ROCK1: variants seen among roughly 807,000 people sequenced by gnomAD.
ROCK1 encodes rho-associated protein kinase 1.
ROCK1 carries 36 observed loss-of-function variants against 196.8 expected under a neutral mutation model. That is an observed-to-expected ratio of 0.18 (90% CI 0.14 to 0.24). The LOEUF (loss-of-function observed/expected upper bound fraction) is 0.24. Ranked by LOEUF, ROCK1 falls within the 10% of genes least tolerant of loss-of-function variation. The pLI, the probability that ROCK1 is intolerant of heterozygous loss-of-function variation, is 1.00. For missense variants in ROCK1, 920 were observed against 1,562.0 expected, an observed-to-expected ratio of 0.59 and a Z score of 6.93; for synonymous variants, 443 against 515.9, an observed-to-expected ratio of 0.86 and a Z score of 1.91.
In ROCK1 at chr18:20,947,370, A is replaced by G. The variant is rs2035138985; in HGVS notation, c.*4014T>C. 1 of 152,094 alleles carries G rather than the reference A, an allele frequency of 6.6e-6. No individual in the cohort carries two copies. Among genetic ancestry groups the G allele is most frequent in the Admixed American group, 6.5e-5 (1 of 15,268 alleles). The allele number at this position is 152,094 out of a possible 1,614,324, so 9.4% of individuals were successfully genotyped here. ...TCTACTAGAATATTCTTTGCATTTA[A>G]TTTATTGCAATAAGCATAGATCTTG... On this transcript the variant is annotated 3_prime_UTR_variant, in exon 33 of 33. Coordinates refer to ENST00000399799, the MANE Select transcript of ROCK1 (RefSeq NM_005406.3).
chr18:21,071,720 A>G lies in ROCK1; in HGVS notation c.94-1107T>C, dbSNP rs1342801585. Among the ~76,000 whole-genome samples the G allele has an allele frequency of 2.6e-5, 4 of 152,200 alleles. 1 individual carries two copies. The East Asian group carries it at 7.7e-4, about 29-fold the overall frequency. ...AAGAATGGTTTTTGCGTGATGCTTA[A>G]TAATGTAATCAGTTCCAGACAGGTC... On this transcript the variant is annotated intron_variant, in intron 1 of 32. Transcript: ENST00000399799.
chr18:20,952,097 TA>T (rs1366981810), intron 32 of ROCK1, among the ~76,000 whole-genome samples: 3 of 152,204 alleles, frequency 2.0e-5, no homozygotes, highest in Admixed American at 2.0e-4. Context: ...AAGAAAGAGT[TA>T]ACTGCCTGGT....
Position 21,006,685 on chromosome 18 carries a change from T to C in ROCK1, c.1638+14A>G, listed in dbSNP as rs369273567. ...ACAATTTTTTTAAAAAGGAACCTCA[T>C]TTGAAACACTTACCTGCTTTTGTAA... is the stretch of plus-strand genomic sequence containing the variant. On this transcript the variant is annotated intron_variant, in intron 15 of 32. Transcript: ENST00000399799. 7.4e-5 allele frequency: 117 copies of C among 1,587,584 alleles called. No homozygotes were observed. The highest frequency in any genetic ancestry group is 9.7e-5 in the Non-Finnish European group (114 of 1,172,386).
intron 7 of ROCK1, 127 bp from the exon 8 acceptor site, chr18:21,042,362 C>G: frequency 1.0e-6 from 1 of 983,790 alleles, no homozygotes; most frequent in Non-Finnish European, 1.5e-6. Flanking sequence ...AAACATACAC[C>G]TAATATATAA....
chr18:21,036,379 T>C (rs1598537842), intron 9 of ROCK1, among the ~76,000 whole-genome samples: 1 of 152,216 alleles, frequency 6.6e-6, no homozygotes, highest in East Asian at 1.9e-4. Flanking sequence ...AACACCAATA[T>C]CTTATTTCAA....
At chr18:21,036,952 T>C (rs938597555) in intron 9 of ROCK1, among the ~76,000 whole-genome samples, 4 of 152,186 alleles carry the variant, frequency 2.6e-5, no homozygotes, top group East Asian at 1.9e-4. Context: ...TGCCAACAAT[T>C]GTCAATTCCT....
chr18:21,032,886 A>G (rs1182197575), intron 9 of ROCK1, among the ~76,000 whole-genome samples: 1 of 152,010 alleles, frequency 6.6e-6, no homozygotes, highest in African/African-American at 2.4e-5. Context: ...GGCTGACAAA[A>G]TCTATTTTAA....
intron 29 of ROCK1, among the ~76,000 whole-genome samples, chr18:20,956,113 C>A (rs867967484): frequency 1.3e-5 from 2 of 151,806 alleles, no homozygotes; most frequent in East Asian, 3.9e-4. Flanking sequence ...TGATTGTATG[C>A]AGTTGTCTCG....
intron 25 of ROCK1, among the ~76,000 whole-genome samples, chr18:20,968,248 C>CT (rs2143356560): frequency 6.6e-6 from 1 of 152,212 alleles, no homozygotes; most frequent in Admixed American, 6.5e-5. Flanking sequence ...GCCACATACT[C>CT]TTATCTTCTA....
intron 2 of ROCK1, among the ~76,000 whole-genome samples, chr18:21,055,118 CACTTT>C (rs1445008090): frequency 2.6e-5 from 4 of 152,294 alleles, no homozygotes; most frequent in Middle Eastern, 3.4e-3. Context: ...TCTTCTGCCT[CACTTT>C]ACTTAGTTTG....
intron 1 of ROCK1, among the ~76,000 whole-genome samples, chr18:21,104,297 C>T (rs2036684132): frequency 6.6e-6 from 1 of 152,128 alleles, no homozygotes; most frequent in African/African-American, 2.4e-5. Context: ...GTTCCTTCTT[C>T]TGGATTAAAA....
At chr18:21,049,643 C>A in intron 3 of ROCK1, 137 bp downstream of exon 3, 4 of 615,498 alleles carry the variant, frequency 6.5e-6, no homozygotes, top group Non-Finnish European at 5.5e-6. Flanking sequence ...GCTTCCATAC[C>A]CTCAGGCAAC....
At chr18:20,982,108 T>C (rs1168342365) in intron 21 of ROCK1, among the ~76,000 whole-genome samples, 1 of 152,146 alleles carries the variant, frequency 6.6e-6, no homozygotes, top group African/African-American at 2.4e-5. Flanking sequence ...CATCCAAACA[T>C]TTGGAGGCAC....
At chr18:20,959,049 T>TATATATATTTTATATAATATATATA in intron 29 of ROCK1, among the ~76,000 whole-genome samples, 1 of 58,140 alleles carries the variant, frequency 1.7e-5, no homozygotes, top group African/African-American at 1.4e-4. Context: ...TAATATATAA[T>TATATATATTTTATATAATATATATA]ATATATATTA....
intron 1 of ROCK1, among the ~76,000 whole-genome samples, chr18:21,095,294 G>A (rs969568584): frequency 1.3e-4 from 20 of 151,990 alleles, no homozygotes; most frequent in African/African-American, 4.6e-4. Context: ...ATGGAGAACA[G>A]TTTGGCGGTT....
At chr18:21,016,715 T>A (rs1325805114) in intron 12 of ROCK1, among the ~76,000 whole-genome samples, 1 of 152,108 alleles carries the variant, frequency 6.6e-6, no homozygotes. Flanking sequence ...GAATCATCCT[T>A]GACTCATCCT....
chr18:20,956,414 C>T (rs1010316076), intron 29 of ROCK1, among the ~76,000 whole-genome samples: 3 of 152,104 alleles, frequency 2.0e-5, no homozygotes, highest in African/African-American at 7.2e-5. Context: ...ATAGGCCTAA[C>T]TACATTTTCA....
chr18:21,110,651 A>T (rs2036742811), intron 1 of ROCK1, among the ~76,000 whole-genome samples, 167 bp downstream of exon 1: 1 of 152,232 alleles, frequency 6.6e-6, no homozygotes, highest in South Asian at 2.1e-4. Context: ...AAATAGGACC[A>T]CACCATGAGA....
intron 19 of ROCK1, 143 bp from the exon 20 acceptor site, chr18:20,984,678 T>G (rs1411431244): frequency 1.6e-6 from 1 of 608,040 alleles, no homozygotes; most frequent in African/African-American, 1.9e-5. Flanking sequence ...TCTTCATTGT[T>G]CCACGTGTTT....
Sources: gnomAD v4.1 joint callset for allele counts (sites outside exome capture counted in the v4.1 genomes callset) on GRCh38, gnomAD v4.1.1 for gene constraint, MANE v1.5 for transcripts, NCBI Gene and HGNC (gene_info 2026-07-23, HGNC 2026-07-21) for gene names.